Variants in TXNRD2 observed in about 807,000 individuals in gnomAD.
The protein encoded by TXNRD2 is thioredoxin reductase 2.
In TXNRD2, 67 loss-of-function variants were observed where a neutral mutation model predicts 70.8. The ratio of observed to expected loss-of-function variants is 0.95; its 90% CI spans 0.78 to 1.16. The LOEUF (loss-of-function observed/expected upper bound fraction) is 1.16, where lower values mean the gene tolerates loss of function less well. Ranked by LOEUF, TXNRD2 falls within the 50% of genes most tolerant of loss-of-function variation. TXNRD2 has a pLI of 0.00. For synonymous variants in TXNRD2, 301 were observed against 295.8 expected, an observed-to-expected ratio of 1.02 and a Z score of -0.18; for missense variants, 644 against 719.9, an observed-to-expected ratio of 0.89 and a Z score of 1.21.
rs140522525 is a variant in TXNRD2, at chr22:19,939,945, G to A, written c.103+1756C>T. Among the ~76,000 whole-genome samples the A allele has an allele frequency of 1.7e-3, 253 of 152,262 alleles. 1 individual carries two copies. Among genetic ancestry groups the A allele is most frequent in the African/African-American group, 5.8e-3 (241 of 41,552 alleles). ...TGATTGTGTTAACTCACATGCAGTAGTATTAAAAAATGACTCGGCTGGGCG... is the reference window on the plus strand; with the variant it reads ...TGATTGTGTTAACTCACATGCAGTAATATTAAAAAATGACTCGGCTGGGCG... On this transcript the variant is annotated intron_variant, in intron 1 of 17. Transcript: ENST00000400521.
chr22:19,936,946 A>C (rs976539184), intron 1 of TXNRD2, among the ~76,000 whole-genome samples: 10 of 152,192 alleles, frequency 6.6e-5, no homozygotes, highest in African/African-American at 2.4e-4. Context: ...CAAGGGGTAC[A>C]AGTGTGTCGA....
intron 11 of TXNRD2, 198 bp downstream of exon 11, chr22:19,895,209 G>A (rs1939444958): frequency 1.9e-6 from 3 of 1,597,976 alleles, no homozygotes; most frequent in Non-Finnish European, 2.5e-6. Flanking sequence ...TGCTGGGGAT[G>A]GCAAGATGGG....
chr22:19,907,769 G>GCA (rs1940126000), intron 8 of TXNRD2, among the ~76,000 whole-genome samples: 1 of 36,200 alleles, frequency 2.8e-5, no homozygotes, highest in African/African-American at 1.0e-4. Flanking sequence ...GAGTGTGGGC[G>GCA]CCGTGGGTAG....
In TXNRD2 at chr22:19,930,492, G is replaced by A. The variant is rs184828378; in HGVS notation, c.172+538C>T. On this transcript the variant is annotated intron_variant, in intron 2 of 17. Coordinates refer to ENST00000400521, the MANE Select transcript of TXNRD2 (RefSeq NM_006440.5). The stretch of plus-strand genomic sequence containing the variant: ...GGACACCTCTGGGTCCAGCCCGTTC[G>A]CCCAACATCTTTACTCAATGGGTGC... Among the ~76,000 whole-genome samples, 73 of 152,238 alleles carry A rather than the reference G, an allele frequency of 4.8e-4. 1 individual carries two copies. The highest frequency in any genetic ancestry group is 4.4e-3 in the Admixed American group (67 of 15,290).
chr22:19,920,001 C>A lies in TXNRD2; in HGVS notation c.173-402G>T, dbSNP rs114526033. Among the ~76,000 whole-genome samples, 735 of 152,282 alleles carry A rather than the reference C, an allele frequency of 4.8e-3. 6 individuals are homozygous for A. The highest frequency in any genetic ancestry group is 0.017 in the African/African-American group (711 of 41,558). On this transcript the variant is annotated intron_variant, in intron 2 of 17. Coordinates refer to ENST00000400521, the MANE Select transcript of TXNRD2 (RefSeq NM_006440.5). ...CCACCCAAGCATCCCTGGGTGGCAT[C>A]CCCCAGGTAGCCACTCACCGGGAAT...
At chr22:19,892,613 G>A (rs868857300) in intron 11 of TXNRD2, among the ~76,000 whole-genome samples, 14 of 152,330 alleles carry the variant, frequency 9.2e-5, no homozygotes, top group Middle Eastern at 3.4e-3. Context: ...CACAGCCCCC[G>A]GCCCATTGGT....
At position 19,880,266 on chromosome 22, in the gene TXNRD2, G is replaced by A; in HGVS notation, c.1188C>T (p.Pro396=). The part of the protein sequence containing the change: ...SSDLMDYDNV[P]TTVFTPLEYG... The stretch of plus-strand genomic sequence containing the variant: ...ACTCCAGCGGGGTGAAGACGGTCGT[G>A]GGAACCTGAAAGCAGGTCTGGAGTC... The change falls in exon 14 of 18, where the codon CCC becomes CCT. Residue 396 remains proline, a synonymous_variant. Transcript: ENST00000400521. 6.2e-7 allele frequency: 1 copy of A among 1,613,524 alleles called. No individual in the cohort carries two copies. Among genetic ancestry groups the A allele is most frequent in the Admixed American group, 1.7e-5 (1 of 60,020 alleles).
chr22:19,880,060 T>C (rs773983676), intron 14 of TXNRD2, 119 bp downstream of exon 14: 1 of 1,068,786 alleles, frequency 9.4e-7, no homozygotes, highest in Non-Finnish European at 1.4e-6. Context: ...ACACAGCCAC[T>C]GCTCAGGGCC....
chr22:19,878,816 C>T (rs1938625230), intron 14 of TXNRD2, among the ~76,000 whole-genome samples: 1 of 152,236 alleles, frequency 6.6e-6, no homozygotes, highest in Non-Finnish European at 1.5e-5. Flanking sequence ...GAGCAGGAGG[C>T]CACCTGGGCT....
At chr22:19,923,177 C>T (rs1019299101) in intron 2 of TXNRD2, among the ~76,000 whole-genome samples, 10 of 152,114 alleles carry the variant, frequency 6.6e-5, no homozygotes, top group Non-Finnish European at 7.3e-5. Context: ...GAAATGTTTT[C>T]CTATAACTCT....
Position 19,877,454 on chromosome 22 carries a change from C to T in TXNRD2, c.1446-220G>A, listed in dbSNP as rs892155380. 6.6e-5 allele frequency among the ~76,000 whole-genome samples: 10 copies of T among 152,112 alleles called. No individual in the cohort carries two copies. The East Asian group carries it at 1.2e-3, about 18-fold the overall frequency. ...GTCCAGCCCACCTCCCACCCAGCCA[C>T]GCCCTGGCTTGCCCTGGCCTGGCTT... On this transcript the variant is annotated intron_variant, in intron 16 of 17. Transcript: ENST00000400521.
rs3788318 is a variant in TXNRD2, at chr22:19,902,612, C to T, written c.663-3544G>A. 2.0e-4 allele frequency among the ~76,000 whole-genome samples: 30 copies of T among 152,330 alleles called. No individual in the cohort carries two copies. The East Asian group carries it at 2.7e-3, about 14-fold the overall frequency. On this transcript the variant is annotated intron_variant, in intron 8 of 17. Transcript: ENST00000400521. The stretch of plus-strand genomic sequence containing the variant: ...TTCCCCGGCTTGGCTGGAACCCCGC[C>T]GCCCCACCCAACCCCTCAGGGGCAG...
chr22:19,881,397 C>CCCGG (rs1023746971), intron 12 of TXNRD2: 4 of 258,750 alleles, frequency 1.5e-5, no homozygotes, highest in Non-Finnish European at 2.7e-5. Context: ...ACGGAAACAT[C>CCCGG]CCGGCGGGCG....
rs200063300 is a variant in TXNRD2, at chr22:19,878,128, G to A, written c.1407C>T (p.Asn469=). The part of the protein sequence containing the change: ...LVLGLHFLGP[N]AGEVTQGFAL... ...CAAATCCTTGAGTAACTTCGCCTGC[G>A]TTGGGGCCAAGGAAATGCAGGCCCA... Residue 469 remains asparagine (N), a synonymous_variant, in exon 16 of 18, where the codon AAC becomes AAT. Coordinates refer to ENST00000400521, the MANE Select transcript of TXNRD2 (RefSeq NM_006440.5). The A allele has an allele frequency of 2.5e-5, 41 of 1,613,394 alleles. No individual in the cohort carries two copies. The highest frequency in any genetic ancestry group is 9.3e-5 in the African/African-American group (7 of 74,938).
intron 12 of TXNRD2, 51 bp from the exon 13 acceptor site, chr22:19,880,768 G>A (rs779548049): frequency 7.4e-7 from 1 of 1,356,532 alleles, no homozygotes; most frequent in Non-Finnish European, 1.0e-6. Flanking sequence ...GGGGTTATAT[G>A]CAGCCCCTAT....
intron 11 of TXNRD2, 116 bp from the exon 12 acceptor site, chr22:19,883,577 C>A: frequency 6.9e-7 from 1 of 1,443,994 alleles, no homozygotes; most frequent in Non-Finnish European, 9.6e-7. Context: ...GTGGCTCCTG[C>A]CTGTAATCCC....
chr22:19,911,494 G>C, intron 7 of TXNRD2, 47 bp from the exon 8 acceptor site: 1 of 1,465,042 alleles, frequency 6.8e-7, no homozygotes, highest in Non-Finnish European at 9.6e-7. Flanking sequence ...CATTTGGCCT[G>C]TCCTAGGGCT....
chr22:19,904,204 C>A (rs1939903872), intron 8 of TXNRD2, among the ~76,000 whole-genome samples: 1 of 152,148 alleles, frequency 6.6e-6, no homozygotes. Context: ...TGCTCACCCA[C>A]CCACAAGCTC....
chr22:19,919,651 C>G (rs1940813017), intron 2 of TXNRD2, 52 bp from the exon 3 acceptor site: 1 of 1,484,848 alleles, frequency 6.7e-7, no homozygotes, highest in East Asian at 2.5e-5. Flanking sequence ...GCTCAGGACT[C>G]AAGAACAGGC....
Sources: allele counts gnomAD v4.1 joint callset (sites outside exome capture counted in the v4.1 genomes callset), GRCh38; gene constraint gnomAD v4.1.1; transcripts MANE v1.5; gene names NCBI Gene and HGNC (gene_info 2026-07-23, HGNC 2026-07-21).